Variants in ALPK2 observed in about 807,000 individuals in gnomAD.
ALPK2 encodes the protein alpha-protein kinase 2.
In ALPK2, 127 loss-of-function variants were observed where a neutral mutation model predicts 163.1. That is an observed-to-expected ratio of 0.78 (90% confidence interval 0.67 to 0.90). The LOEUF is 0.90. ALPK2 is among the 40% of genes least tolerant of loss of function. The pLI, the probability that ALPK2 is intolerant of heterozygous loss-of-function variation, is 0.00. For missense variants in ALPK2, 2,360 were observed against 2,589.6 expected (o/e 0.91, Z 1.92); for synonymous variants, 953 against 959.1 (o/e 0.99, Z 0.12).
At chr18:58,583,897 G>A (rs1602229225) in intron 3 of ALPK2, among the ~76,000 whole-genome samples, 2 of 152,096 alleles carry the variant, frequency 1.3e-5, no homozygotes, top group East Asian at 1.9e-4. Flanking sequence ...ACCATGACTT[G>A]TGTAGAAGAG....
intron 3 of ALPK2, among the ~76,000 whole-genome samples, chr18:58,600,167 G>T (rs2144220101): frequency 6.6e-6 from 1 of 150,776 alleles, no homozygotes; most frequent in African/African-American, 2.4e-5. Flanking sequence ...CTCCCGAGTA[G>T]CTGGGATTAC....
chr18:58,579,261 G>A lies in ALPK2; in HGVS notation c.1515C>T (p.Asn505=), dbSNP rs759739675. 3.4e-5 allele frequency: 55 copies of A among 1,613,998 alleles called. No homozygotes were observed. Among genetic ancestry groups the A allele is most frequent in the Non-Finnish European group, 8.5e-7 (1 of 1,180,022 alleles). ...TCTCCCAACACTGGCTCATCCCTGA[G>A]TTTTCTGACTCACCAGACAAGAGCT... is the stretch of plus-strand genomic sequence containing the variant. ...EMKLLSGESE[N]SGMSQCWETA... The change falls in exon 4 of 13, where the codon AAC becomes AAT. Residue 505 remains asparagine, a synonymous_variant. Transcript: ENST00000361673.
intron 3 of ALPK2, chr18:58,580,857 T>C (rs1568092519): frequency 3.4e-6 from 1 of 297,872 alleles, no homozygotes; most frequent in Non-Finnish European, 6.2e-6. Flanking sequence ...CATTACCTTA[T>C]ATGGTCTAAG....
intron 3 of ALPK2, among the ~76,000 whole-genome samples, chr18:58,582,088 C>G (rs2051961714): frequency 6.6e-6 from 1 of 152,152 alleles, no homozygotes; most frequent in African/African-American, 2.4e-5. Context: ...AGAAGCCATT[C>G]AGGAGCGGCT....
intron 12 of ALPK2, among the ~76,000 whole-genome samples, chr18:58,495,124 CAGG>C (rs1341839189): frequency 6.6e-6 from 1 of 152,132 alleles, no homozygotes; most frequent in Non-Finnish European, 1.5e-5. Context: ...GAGGGGTTCC[CAGG>C]AGCCTCTAAA....
At chr18:58,567,529 G>C (rs77548673) in intron 4 of ALPK2, among the ~76,000 whole-genome samples, 1,571 of 152,242 alleles carry the variant, frequency 0.01, 27 homozygotes, top group African/African-American at 0.036. Context: ...ACTCCAAGCA[G>C]AGTAGAACCA....
intron 6 of ALPK2, 116 bp from the exon 7 acceptor site, chr18:58,524,178 G>T: frequency 7.1e-7 from 1 of 1,402,596 alleles, no homozygotes. Flanking sequence ...TTCAGCCAGT[G>T]AGCTGCCCAA....
chr18:58,597,290 G>A (rs1023246001), intron 3 of ALPK2, among the ~76,000 whole-genome samples: 1 of 152,000 alleles, frequency 6.6e-6, no homozygotes, highest in Non-Finnish European at 1.5e-5. Flanking sequence ...ACTCCAACTC[G>A]AAAGAAAAAA....
At chr18:58,490,953 G>T (rs2051371522) in intron 12 of ALPK2, among the ~76,000 whole-genome samples, 1 of 152,200 alleles carries the variant, frequency 6.6e-6, no homozygotes, top group Non-Finnish European at 1.5e-5. Context: ...CCATTCGTTA[G>T]TATCTGAAAT....
chr18:58,575,983 G>A (rs147647779), intron 4 of ALPK2, among the ~76,000 whole-genome samples: 9 of 152,274 alleles, frequency 5.9e-5, no homozygotes, highest in South Asian at 2.1e-4. Context: ...TGCTAAAAAC[G>A]GTATGCAGAT....
chr18:58,619,540 A>G (rs779737361), intron 1 of ALPK2, among the ~76,000 whole-genome samples: 1 of 152,232 alleles, frequency 6.6e-6, no homozygotes, highest in Non-Finnish European at 1.5e-5. Context: ...GTTGTCTCCA[A>G]TCCTAATGTA....
intron 3 of ALPK2, among the ~76,000 whole-genome samples, chr18:58,587,529 T>C (rs62096310): frequency 0.2 from 29,752 of 152,056 alleles, 3,328 homozygotes; most frequent in East Asian, 0.42. Flanking sequence ...GAGAATGGTG[T>C]TTCAATAAAG....
At chr18:58,558,775 A>G (rs1388324767) in intron 4 of ALPK2, among the ~76,000 whole-genome samples, 2 of 152,252 alleles carry the variant, frequency 1.3e-5, no homozygotes, top group African/African-American at 2.4e-5. Context: ...ATTCTCCCAC[A>G]TGGGTGACCC....
intron 1 of ALPK2, among the ~76,000 whole-genome samples, chr18:58,615,205 C>T (rs540818901): frequency 6.6e-6 from 1 of 152,238 alleles, no homozygotes; most frequent in South Asian, 2.1e-4. Flanking sequence ...TACCTCATTC[C>T]TTTTTGTGGC....
chr18:58,501,864 T>C (rs1012308389), intron 11 of ALPK2, among the ~76,000 whole-genome samples: 3 of 152,186 alleles, frequency 2.0e-5, no homozygotes, highest in East Asian at 1.9e-4. Context: ...TCTAGTGTAG[T>C]TGATTATATT....
chr18:58,505,031 G>A (rs538942854), intron 10 of ALPK2, among the ~76,000 whole-genome samples: 2 of 152,242 alleles, frequency 1.3e-5, no homozygotes, highest in East Asian at 3.9e-4. Context: ...GGACCTGGGA[G>A]ACCATTTGGA....
intron 1 of ALPK2, among the ~76,000 whole-genome samples, chr18:58,620,365 A>G (rs1421215215): frequency 1.3e-5 from 2 of 152,258 alleles, no homozygotes; most frequent in African/African-American, 2.4e-5. Context: ...CATTCTCAGT[A>G]TGCTCAGTGA....
chr18:58,538,692 C>G (rs1377535736), intron 4 of ALPK2: 1 of 162,956 alleles, frequency 6.1e-6, no homozygotes, highest in Non-Finnish European at 1.3e-5. Context: ...TTAATAATTG[C>G]TATGGTTTGG....
intron 10 of ALPK2, among the ~76,000 whole-genome samples, chr18:58,505,736 T>G (rs1014357577): frequency 6.6e-6 from 1 of 152,168 alleles, no homozygotes; most frequent in African/African-American, 2.4e-5. Flanking sequence ...CCATTCTCTC[T>G]TAAGCATCTG....
Sources: allele counts gnomAD v4.1 joint callset (sites outside exome capture counted in the v4.1 genomes callset), GRCh38; gene constraint gnomAD v4.1.1; transcripts MANE v1.5; gene names NCBI Gene and HGNC (gene_info 2026-07-23, HGNC 2026-07-21).